The following CACNB2 variants were observed in gnomAD, a reference collection of about 807,000 sequenced individuals.
CACNB2 encodes the protein calcium voltage-gated channel auxiliary subunit beta 2.
In CACNB2, 42 loss-of-function variants were observed where a neutral mutation model predicts 73.3. The ratio of observed to expected loss-of-function variants is 0.57; its 90% CI spans 0.45 to 0.74. The LOEUF (loss-of-function observed/expected upper bound fraction) is 0.74. CACNB2 is among the 30% of genes least tolerant of loss of function. CACNB2 has a pLI of 0.00. For synonymous variants in CACNB2, 348 were observed against 310.3 expected (o/e 1.12, Z -1.28); for missense variants, 940 against 853.0 (o/e 1.10, Z -1.27).
intron 5 of CACNB2, 111 bp downstream of exon 5, chr10:18,501,059 A>G (rs2133038342): frequency 1.8e-6 from 2 of 1,088,096 alleles, no homozygotes; most frequent in Non-Finnish European, 1.4e-6. Flanking sequence ...GGAGGCTGGT[A>G]ATATGGTTTA....
chr10:18,539,835 T>G lies in CACNB2; in HGVS notation c.*111T>G. ...CACTGCAATCATATGTGATCTGTCT[T>G]GTAATATTTTGTATTATTGCTGTTG... On this transcript the variant is annotated 3_prime_UTR_variant, in exon 14 of 14. Coordinates refer to ENST00000324631, the MANE Select transcript of CACNB2 (RefSeq NM_201596.3). 2 of 1,088,346 alleles carry G rather than the reference T, an allele frequency of 1.8e-6. No homozygotes were observed. The highest frequency in any genetic ancestry group is 2.7e-6 in the Non-Finnish European group (2 of 752,434). The allele number at this position is 1,088,346 out of a possible 1,614,324, so 67.4% of individuals were successfully genotyped here. A position where few individuals can be genotyped will look rare whatever the true frequency, so the allele number is the denominator to read the frequency against.
chr10:18,210,681 A>C (rs2035282273), intron 2 of CACNB2, among the ~76,000 whole-genome samples: 2 of 152,176 alleles, frequency 1.3e-5, no homozygotes, highest in South Asian at 4.1e-4. Context: ...TGTTAGCATC[A>C]AATATAGTAA....
chr10:18,495,582 T>TGTGTGTGTGTGTGTATATG (rs879828645), intron 3 of CACNB2, among the ~76,000 whole-genome samples: 1 of 135,362 alleles, frequency 7.4e-6, no homozygotes, highest in African/African-American at 2.8e-5. Flanking sequence ...TGTGTGTGTG[T>TGTGTGTGTGTGTGTATATG]GTGTGTGTGT....
intron 2 of CACNB2, among the ~76,000 whole-genome samples, chr10:18,368,539 A>T (rs2042447612): frequency 6.6e-6 from 1 of 152,194 alleles, no homozygotes; most frequent in South Asian, 2.1e-4. Flanking sequence ...GCATTTAAGC[A>T]TATGCTACCA....
intron 2 of CACNB2, among the ~76,000 whole-genome samples, chr10:18,367,469 T>C (rs920275933): frequency 1.3e-5 from 2 of 152,170 alleles, no homozygotes; most frequent in Non-Finnish European, 2.9e-5. Flanking sequence ...ATCTGTTAAA[T>C]ATAGTTAAAA....
chr10:18,217,355 G>T (rs2035553777), intron 2 of CACNB2, among the ~76,000 whole-genome samples: 1 of 152,016 alleles, frequency 6.6e-6, no homozygotes, highest in Non-Finnish European at 1.5e-5. Context: ...AGAGTGGTGT[G>T]CGCCTATAGA....
At chr10:18,400,892 C>G (rs1020501889) in intron 2 of CACNB2, 2 of 1,538,766 alleles carry the variant, frequency 1.3e-6, no homozygotes, top group South Asian at 1.2e-5. Context: ...AGTGAAAGCC[C>G]CGGAGGCAGA....
intron 13 of CACNB2, 78 bp from the exon 14 acceptor site, chr10:18,539,152 C>A: frequency 6.3e-7 from 1 of 1,582,244 alleles, no homozygotes; most frequent in Non-Finnish European, 8.7e-7. Flanking sequence ...AAGGACTCTG[C>A]TTGAATGCAC....
chr10:18,478,322 T>A (rs2048544064), intron 3 of CACNB2, among the ~76,000 whole-genome samples: 1 of 152,226 alleles, frequency 6.6e-6, no homozygotes, highest in Non-Finnish European at 1.5e-5. Context: ...TGACTTCTAT[T>A]TGACCACAGC....
chr10:18,537,809 T>C (rs2053752456), intron 12 of CACNB2, among the ~76,000 whole-genome samples: 1 of 152,240 alleles, frequency 6.6e-6, no homozygotes, highest in East Asian at 1.9e-4. Flanking sequence ...TATCACAATC[T>C]TTATGTCAAG....
chr10:18,469,060 C>T (rs772268126), intron 3 of CACNB2, among the ~76,000 whole-genome samples: 1 of 152,126 alleles, frequency 6.6e-6, no homozygotes, highest in Non-Finnish European at 1.5e-5. Context: ...GCAGCCTGGG[C>T]AACAAAGCGA....
chr10:18,245,931 A>G (rs1024092681), intron 2 of CACNB2, among the ~76,000 whole-genome samples: 5 of 152,202 alleles, frequency 3.3e-5, no homozygotes, highest in African/African-American at 1.2e-4. Context: ...GATGGGCATC[A>G]GTGGGTAGGT....
At chr10:18,526,656 GCT>G (rs2052495802) in intron 9 of CACNB2, among the ~76,000 whole-genome samples, 1 of 151,970 alleles carries the variant, frequency 6.6e-6, no homozygotes, top group Non-Finnish European at 1.5e-5. Context: ...AAATTTTGTT[GCT>G]CTCATTTCTA....
At chr10:18,189,735 A>G (rs1352342124) in intron 2 of CACNB2, among the ~76,000 whole-genome samples, 1 of 152,194 alleles carries the variant, frequency 6.6e-6, no homozygotes, top group Non-Finnish European at 1.5e-5. Context: ...TTCAGCATTA[A>G]CAGTGTGAAT....
At chr10:18,303,902 A>G (rs2039626676) in intron 2 of CACNB2, among the ~76,000 whole-genome samples, 1 of 152,208 alleles carries the variant, frequency 6.6e-6, no homozygotes, top group Non-Finnish European at 1.5e-5. Context: ...ATGCAACATT[A>G]TATGAGATTA....
chr10:18,216,077 C>T (rs1461763779), intron 2 of CACNB2, among the ~76,000 whole-genome samples: 1 of 151,626 alleles, frequency 6.6e-6, no homozygotes, highest in East Asian at 1.9e-4. Flanking sequence ...GGGTGGATCA[C>T]CTAAGGTCAG....
chr10:18,285,025 G>A (rs770432496), intron 2 of CACNB2, among the ~76,000 whole-genome samples: 3 of 152,152 alleles, frequency 2.0e-5, no homozygotes, highest in Non-Finnish European at 4.4e-5. Flanking sequence ...TATTGGAGAC[G>A]TAAGTGAGAA....
intron 3 of CACNB2, among the ~76,000 whole-genome samples, chr10:18,464,436 A>AAAAAAT (rs1245081302): frequency 6.7e-6 from 1 of 149,846 alleles, no homozygotes; most frequent in African/African-American, 2.4e-5. Flanking sequence ...AAAAAAAAAA[A>AAAAAAT]AAAAGAATTT....
At chr10:18,535,086 T>G (rs2053432939) in intron 11 of CACNB2, among the ~76,000 whole-genome samples, 1 of 152,218 alleles carries the variant, frequency 6.6e-6, no homozygotes, top group Non-Finnish European at 1.5e-5. Flanking sequence ...GTTTTAATAA[T>G]GTATAATGAA....
Sources: allele counts gnomAD v4.1 joint callset (sites outside exome capture counted in the v4.1 genomes callset), GRCh38; gene constraint gnomAD v4.1.1; transcripts MANE v1.5; gene names NCBI Gene and HGNC (gene_info 2026-07-23, HGNC 2026-07-21).